PLGRKT: variants seen among roughly 807,000 people sequenced by gnomAD.
The protein encoded by PLGRKT is plasminogen receptor (KT).
In PLGRKT, 22 loss-of-function variants were observed where a neutral mutation model predicts 18.5. That is an observed-to-expected ratio of 1.19 (90% confidence interval 0.85 to 1.70). The LOEUF is 1.70. Ranked by LOEUF, PLGRKT falls within the 40% of genes most tolerant of loss-of-function variation. The probability of loss-of-function intolerance (pLI) is 0.00; values close to 1 mark genes in which losing one functional copy is unlikely to be tolerated. For synonymous variants in PLGRKT, 72 were observed against 52.8 expected, an observed-to-expected ratio of 1.36 and a Z score of -1.58; for missense variants, 235 against 174.4, an observed-to-expected ratio of 1.35 and a Z score of -1.96.
chr9:5,387,001 G>C (rs920911602), intron 3 of PLGRKT, among the ~76,000 whole-genome samples: 2 of 151,846 alleles, frequency 1.3e-5, no homozygotes, highest in East Asian at 3.8e-4. Context: ...AGGTTGGATG[G>C]GTGATGGCAA....
intron 3 of PLGRKT, among the ~76,000 whole-genome samples, chr9:5,370,921 T>C (rs763074818): frequency 3.9e-5 from 6 of 151,984 alleles, no homozygotes; most frequent in Non-Finnish European, 8.8e-5. Flanking sequence ...CAGTAGTAAT[T>C]TGAAGTTCTT....
At chr9:5,369,213 C>T (rs916768386) in intron 3 of PLGRKT, among the ~76,000 whole-genome samples, 9 of 152,046 alleles carry the variant, frequency 5.9e-5, no homozygotes, top group South Asian at 2.1e-4. Flanking sequence ...ACTCCTCTCA[C>T]GAAGGCTAAT....
chr9:5,399,985 G>A (rs1818126200), intron 3 of PLGRKT, among the ~76,000 whole-genome samples: 1 of 151,476 alleles, frequency 6.6e-6, no homozygotes, highest in Non-Finnish European at 1.5e-5. Context: ...GTGAGACTCT[G>A]TCTCAAAAAA....
At chr9:5,416,420 A>G (rs1449483711) in intron 3 of PLGRKT, among the ~76,000 whole-genome samples, 1 of 152,024 alleles carries the variant, frequency 6.6e-6, no homozygotes, top group Non-Finnish European at 1.5e-5. Context: ...CTGTGTACAT[A>G]TTATCAAAAT....
chr9:5,361,632 T>C (rs749905804), intron 4 of PLGRKT, 126 bp downstream of exon 4: 21 of 819,028 alleles, frequency 2.6e-5, no homozygotes, highest in Middle Eastern at 2.4e-4. Flanking sequence ...CTAAGGTTAA[T>C]AGGTTACTTT....
intron 3 of PLGRKT, among the ~76,000 whole-genome samples, chr9:5,403,962 C>T (rs939359224): frequency 6.6e-6 from 1 of 152,082 alleles, no homozygotes; most frequent in Non-Finnish European, 1.5e-5. Flanking sequence ...ACTGACACCA[C>T]AGAAATACAA....
chr9:5,383,436 C>A (rs1426022066), intron 3 of PLGRKT, among the ~76,000 whole-genome samples: 1 of 152,130 alleles, frequency 6.6e-6, no homozygotes, highest in Non-Finnish European at 1.5e-5. Flanking sequence ...TCATGGAAAA[C>A]AATTTTTCCA....
At position 5,433,843 on chromosome 9, in the gene PLGRKT, T is replaced by C. The variant is rs1250426016; in HGVS notation, c.-6-1860A>G. Among the ~76,000 whole-genome samples, 6 of 138,422 alleles carry C rather than the reference T, an allele frequency of 4.3e-5. No homozygotes were observed. The South Asian group carries it at 9.6e-4, about 22-fold the overall frequency. 90.8% of individuals were successfully genotyped at this position (138,422 alleles called of 152,430 possible). A position where few individuals can be genotyped will look rare whatever the true frequency, so the allele number is the denominator to read the frequency against. On this transcript the variant is annotated intron_variant, in intron 2 of 5. Transcript: ENST00000223864. ...AGCGTCTCTGCCTGAGCGCCCATCA[T>C]CTGGGATGTGAGGAGCGCCTTTGCC...
chr9:5,372,538 G>C (rs1323516112), intron 3 of PLGRKT, among the ~76,000 whole-genome samples: 1 of 152,202 alleles, frequency 6.6e-6, no homozygotes, highest in Non-Finnish European at 1.5e-5. Context: ...GAATGATGCA[G>C]CCATTCTGGA....
At chr9:5,424,090 T>C (rs1033441430) in intron 3 of PLGRKT, among the ~76,000 whole-genome samples, 7 of 143,746 alleles carry the variant, frequency 4.9e-5, no homozygotes, top group Admixed American at 1.4e-4. Context: ...TAATATATAA[T>C]ATATATTATA....
At chr9:5,359,984 G>A (rs1056044023) in intron 5 of PLGRKT, among the ~76,000 whole-genome samples, 2 of 152,162 alleles carry the variant, frequency 1.3e-5, no homozygotes, top group Admixed American at 1.3e-4. Context: ...TGCTTTCATT[G>A]ATTTTTATGG....
intron 3 of PLGRKT, among the ~76,000 whole-genome samples, chr9:5,427,946 A>C (rs1049795024): frequency 6.6e-6 from 1 of 152,170 alleles, no homozygotes; most frequent in Non-Finnish European, 1.5e-5. Flanking sequence ...ATGTGGTTGA[A>C]CAACAAAAGG....
intron 3 of PLGRKT, among the ~76,000 whole-genome samples, chr9:5,393,519 G>C (rs1817988469): frequency 6.6e-6 from 1 of 151,628 alleles, no homozygotes; most frequent in South Asian, 2.1e-4. Context: ...ATTTAGTAAG[G>C]TCTCTCAACA....
chr9:5,431,070 G>A (rs1034312861), intron 3 of PLGRKT, among the ~76,000 whole-genome samples: 3 of 152,178 alleles, frequency 2.0e-5, no homozygotes, highest in African/African-American at 7.2e-5. Flanking sequence ...AAATGGGCTG[G>A]CAGGACTGCA....
chr9:5,382,842 A>G (rs1363449114), intron 3 of PLGRKT, among the ~76,000 whole-genome samples: 1 of 152,200 alleles, frequency 6.6e-6, no homozygotes, highest in East Asian at 1.9e-4. Context: ...GATGGGCACC[A>G]AAGGACATAG....
intron 3 of PLGRKT, among the ~76,000 whole-genome samples, chr9:5,379,208 G>A (rs931664460): frequency 6.6e-6 from 1 of 152,052 alleles, no homozygotes. Flanking sequence ...TCACAATATT[G>A]TAAATATAAT....
intron 4 of PLGRKT, 45 bp from the exon 5 acceptor site, chr9:5,361,232 GT>G (rs1191102064): frequency 9.2e-7 from 1 of 1,085,530 alleles, no homozygotes; most frequent in Non-Finnish European, 1.4e-6. Context: ...AAAATAACCT[GT>G]AAATACATAT....
At chr9:5,421,873 T>C (rs937389719) in intron 3 of PLGRKT, among the ~76,000 whole-genome samples, 1 of 152,220 alleles carries the variant, frequency 6.6e-6, no homozygotes, top group Non-Finnish European at 1.5e-5. Flanking sequence ...AAAGATGGGA[T>C]AACTTGAGCA....
At chr9:5,396,145 C>T (rs1818044385) in intron 3 of PLGRKT, among the ~76,000 whole-genome samples, 1 of 151,684 alleles carries the variant, frequency 6.6e-6, no homozygotes, top group Non-Finnish European at 1.5e-5. Context: ...CAGTCCGCCT[C>T]AGCCTCACAA....
Sources: gnomAD v4.1 joint callset for allele counts (sites outside exome capture counted in the v4.1 genomes callset) on GRCh38, gnomAD v4.1.1 for gene constraint, MANE v1.5 for transcripts, NCBI Gene and HGNC (gene_info 2026-07-23, HGNC 2026-07-21) for gene names.